The following PLSCR5 variants were observed in gnomAD, a reference collection of about 807,000 sequenced individuals.
PLSCR5 encodes phospholipid scramblase family member 5, also known as phospholipid scramblase family, member 5.
A neutral mutation model predicts 33.6 loss-of-function variants in PLSCR5; 44 were observed. The ratio of observed to expected loss-of-function variants is 1.31; its 90% confidence interval spans 1.03 to 1.69. The LOEUF is 1.69. Among genes scored for constraint, PLSCR5 ranks in the 40% most tolerant of loss-of-function variants. PLSCR5 has a pLI of 0.00. For missense variants in PLSCR5, 375 were observed against 318.7 expected, an observed-to-expected ratio of 1.18 and a Z score of -1.34; for synonymous variants, 148 against 112.3, an observed-to-expected ratio of 1.32 and a Z score of -2.01.
chr3:146,595,128 A>C, intron 2 of PLSCR5, 45 bp from the exon 3 acceptor site: 1 of 1,213,880 alleles, frequency 8.2e-7, no homozygotes, highest in Non-Finnish European at 1.1e-6. Flanking sequence ...TTAACATCAC[A>C]CGGAAAACCT....
intron 2 of PLSCR5, among the ~76,000 whole-genome samples, chr3:146,597,830 TA>T (rs936580398): frequency 5.4e-4 from 82 of 152,204 alleles, no homozygotes; most frequent in African/African-American, 1.1e-3. Flanking sequence ...ATAATTAATT[TA>T]AAAAAAATCA....
intron 5 of PLSCR5, among the ~76,000 whole-genome samples, chr3:146,590,997 G>GTTTTTTTTTTT (rs371124404): frequency 4.9e-5 from 7 of 141,880 alleles, no homozygotes; most frequent in East Asian, 2.0e-4. Flanking sequence ...GTTTTTTTTT[G>GTTTTTTTTTTT]TTTTTTTTTT....
chr3:146,592,013 A>G (rs2044720305), intron 4 of PLSCR5, 132 bp from the exon 5 acceptor site: 2 of 808,360 alleles, frequency 2.5e-6, no homozygotes, highest in Non-Finnish European at 3.7e-6. Context: ...CATTCTAAAT[A>G]CCTGCTTCTA....
downstream of PLSCR5, among the ~76,000 whole-genome samples, chr3:146,584,933 A>C (rs186689391): frequency 1.6e-3 from 251 of 152,282 alleles, no homozygotes; most frequent in African/African-American, 5.8e-3. Flanking sequence ...ACACCCTTAT[A>C]CATGCATAAA....
chr3:146,604,086 A>G (rs1218867185), intron 1 of PLSCR5, among the ~76,000 whole-genome samples: 8 of 152,120 alleles, frequency 5.3e-5, no homozygotes, highest in Non-Finnish European at 1.5e-5. Context: ...ATGGATCACT[A>G]ATTTAGGATA....
Position 146,586,242 on chromosome 3 carries a change from C to T in PLSCR5, c.778-130G>A. ...GTGGTGTTCCAGTATTATGATTTAA[C>T]AGAAGAAGAAAAATTTAAAAGTCTT... On this transcript the variant is annotated intron_variant, in intron 6 of 7. Coordinates refer to ENST00000443512, the MANE Select transcript of PLSCR5 (RefSeq NM_001085420.2). 3.2e-6 allele frequency: 3 copies of T among 938,368 alleles called. No individual in the cohort carries two copies. In the South Asian group the frequency reaches 7.9e-5, roughly 25 times the overall value. The allele number at this position is 938,368 out of a possible 1,614,324, so 58.1% of individuals were successfully genotyped here. A position where few individuals can be genotyped will look rare whatever the true frequency, so the allele number is the denominator to read the frequency against.
chr3:146,578,980 A>AT (rs140745337), intron 7 of PLSCR5, among the ~76,000 whole-genome samples: 1 of 151,844 alleles, frequency 6.6e-6, no homozygotes, highest in Non-Finnish European at 1.5e-5. Context: ...TTTAATGAAA[A>AT]TTTTTTTCTT....
At position 146,605,203 on chromosome 3, in the gene PLSCR5, T is replaced by C; in HGVS notation, c.10A>G (p.Lys4Glu). The C allele has an allele frequency of 6.2e-7, 1 of 1,611,096 alleles. No individual in the cohort carries two copies. Among genetic ancestry groups the C allele is most frequent in the Non-Finnish European group, 8.5e-7 (1 of 1,178,042 alleles). MAS[K>E]DAQNQRRGLP... is the part of the protein sequence containing the mutation. ...AGTTGGTTATATTTACTCTTACCTT[T>C]AGAGGCCATGAAGATGTCTGAGTCA... The change falls in exon 1 of 8, where the codon AAA (lysine) becomes GAA (glutamate). Residue 4 changes from lysine (K) to glutamate (E), a missense_variant. Coordinates refer to ENST00000443512, the MANE Select transcript of PLSCR5 (RefSeq NM_001085420.2).
At chr3:146,598,274 G>A (rs545193395) in intron 2 of PLSCR5, among the ~76,000 whole-genome samples, 1 of 151,996 alleles carries the variant, frequency 6.6e-6, no homozygotes, top group South Asian at 2.1e-4. Flanking sequence ...GTGGCTTTTA[G>A]GGAAAAGTTG....
At chr3:146,590,988 TTTTTTTTTG>T (rs1222773318) in intron 5 of PLSCR5, among the ~76,000 whole-genome samples, 3 of 66,166 alleles carry the variant, frequency 4.5e-5, no homozygotes, top group Non-Finnish European at 7.0e-5. Flanking sequence ...GAGAATAAGG[TTTTTTTTTG>T]TTTTTTTTTT....
chr3:146,592,310 T>C (rs1359315877), intron 4 of PLSCR5, among the ~76,000 whole-genome samples: 1 of 137,206 alleles, frequency 7.3e-6, no homozygotes, highest in African/African-American at 2.8e-5. Context: ...TGAGTATTCA[T>C]ATTTTTTCTC....
intron 5 of PLSCR5, among the ~76,000 whole-genome samples, chr3:146,590,929 A>G (rs1440756434): frequency 3.3e-5 from 5 of 151,938 alleles, no homozygotes; most frequent in Non-Finnish European, 7.4e-5. Flanking sequence ...ATTGCTACAG[A>G]TCAAATTTAC....
intron 6 of PLSCR5, among the ~76,000 whole-genome samples, chr3:146,588,570 C>T (rs1160813681): frequency 1.3e-5 from 2 of 151,470 alleles, no homozygotes; most frequent in African/African-American, 2.4e-5. Context: ...CACACATATA[C>T]ACACACACAC....
At chr3:146,591,411 C>T (rs1396871650) in intron 5 of PLSCR5, among the ~76,000 whole-genome samples, 2 of 151,972 alleles carry the variant, frequency 1.3e-5, no homozygotes, top group African/African-American at 4.8e-5. Flanking sequence ...TTTAGCTAAA[C>T]ATGCTTTTAT....
chr3:146,603,534 G>A (rs9884041), intron 1 of PLSCR5, among the ~76,000 whole-genome samples: 1 of 151,938 alleles, frequency 6.6e-6, no homozygotes, highest in Non-Finnish European at 1.5e-5. Flanking sequence ...TATCATTATG[G>A]AACATCACTG....
chr3:146,599,685 T>C lies in PLSCR5; in HGVS notation c.189+603A>G, dbSNP rs984698360. Among the ~76,000 whole-genome samples, 210 of 151,524 alleles carry C rather than the reference T, an allele frequency of 1.4e-3. 1 individual carries two copies. Among genetic ancestry groups the C allele is most frequent in the East Asian group, 7.9e-3 (41 of 5,166 alleles). ...AGAAAATTTCTTTTCTTTTCTTTTT[T>C]TTTTTTTTTCCAAGGCAAGTCTCAC... On this transcript the variant is annotated intron_variant, in intron 2 of 7. Transcript: ENST00000443512.
chr3:146,600,305 G>A lies in PLSCR5; in HGVS notation c.172C>T (p.Leu58=). Residue 58 remains leucine (L), a synonymous_variant, in exon 2 of 8, where the codon CTA becomes TTA. Transcript: ENST00000443512. ...AAAAACACCTGGCTTAAATATTCTA[G>A]ACCAGGAGGGAGACTGACTGTTGGC... ...FLPTVSLPPG[L]EYLSQLDLII... is the part of the protein sequence containing the mutation. 6.3e-7 allele frequency: 1 copy of A among 1,591,986 alleles called. No individual in the cohort carries two copies. The highest frequency in any genetic ancestry group is 1.3e-5 in the African/African-American group (1 of 74,526).
intron 6 of PLSCR5, 93 bp downstream of exon 6, chr3:146,589,560 G>C (rs941247734): frequency 8.5e-7 from 1 of 1,178,440 alleles, no homozygotes; most frequent in African/African-American, 1.6e-5. Flanking sequence ...ACTCTTTGGG[G>C]GTAAAAACTG....
chr3:146,594,086 T>C lies in PLSCR5; in HGVS notation c.287A>G (p.Gln96Arg). ...TTCCTCCACTGCAAAGTAAATTCTT[T>C]GTCCCAAGCTGTTTTTAATCTCATA... ...NKYEIKNSLG[Q>R]RIYFAVEESI... The change falls in exon 4 of 8, where the codon CAA becomes CGA. Residue 96 changes from glutamine to arginine, a missense_variant. Coordinates refer to ENST00000443512, the MANE Select transcript of PLSCR5 (RefSeq NM_001085420.2). The C allele has an allele frequency of 1.2e-6, 2 of 1,613,858 alleles. No individual in the cohort carries two copies. The highest frequency in any genetic ancestry group is 2.2e-5 in the South Asian group (2 of 91,090).
Sources: gnomAD v4.1 joint callset for allele counts (sites outside exome capture counted in the v4.1 genomes callset) on GRCh38, gnomAD v4.1.1 for gene constraint, MANE v1.5 for transcripts, NCBI Gene and HGNC (gene_info 2026-07-23, HGNC 2026-07-21) for gene names.